Variants in PLA2G4D observed in about 807,000 individuals in gnomAD.
PLA2G4D encodes the protein phospholipase A2 group IVD.
Under a neutral mutation model 94.4 loss-of-function variants are expected in PLA2G4D, and 80 were observed. That is an observed-to-expected ratio of 0.85 (90% confidence interval 0.71 to 1.02). The LOEUF is 1.02. Among genes scored for constraint, PLA2G4D ranks in the 50% least tolerant of loss-of-function variants. The pLI is 0.00. For missense variants in PLA2G4D, 1,050 were observed against 1,034.7 expected (o/e 1.01, Z -0.20); for synonymous variants, 438 against 440.9 (o/e 0.99, Z 0.08).
chr15:42,083,166 G>C, intron 8 of PLA2G4D, 32 bp downstream of exon 8: 2 of 1,602,110 alleles, frequency 1.2e-6, no homozygotes, highest in Non-Finnish European at 1.7e-6. Context: ...CCAAGCCTAG[G>C]ATTGCAAACG....
intron 13 of PLA2G4D, among the ~76,000 whole-genome samples, chr15:42,077,176 T>G (rs1889946869): frequency 6.6e-6 from 1 of 152,172 alleles, no homozygotes; most frequent in Admixed American, 6.5e-5. Flanking sequence ...ATACCAATTC[T>G]ACTCAAACTA....
At chr15:42,090,640 G>A (rs1890230468) in intron 1 of PLA2G4D, among the ~76,000 whole-genome samples, 1 of 152,200 alleles carries the variant, frequency 6.6e-6, no homozygotes, top group Admixed American at 6.5e-5. Context: ...TGGTCCTGGG[G>A]ACTCAGTCCT....
At chr15:42,072,900 C>T (rs570413075) in intron 13 of PLA2G4D, among the ~76,000 whole-genome samples, 1 of 152,296 alleles carries the variant, frequency 6.6e-6, no homozygotes, top group African/African-American at 2.4e-5. Context: ...TCCCCCTCAT[C>T]GTCCCTCTTC....
chr15:42,094,489 A>G lies in PLA2G4D; in HGVS notation c.-30T>C. ...GCCCTTCCAGCTTCACTCCAGGCCCAGCCCTTGCCAAGATGCTGGCTCTCT... is the reference window on the plus strand; with the variant it reads ...GCCCTTCCAGCTTCACTCCAGGCCCGGCCCTTGCCAAGATGCTGGCTCTCT... On this transcript the variant is annotated 5_prime_UTR_variant, in exon 1 of 20. Transcript: ENST00000290472. 1 of 1,613,942 alleles carries G rather than the reference A, an allele frequency of 6.2e-7. No individual in the cohort carries two copies. The highest frequency in any genetic ancestry group is 8.5e-7 in the Non-Finnish European group (1 of 1,179,934).
chr15:42,093,548 C>T (rs543563017), intron 1 of PLA2G4D, among the ~76,000 whole-genome samples: 1 of 152,166 alleles, frequency 6.6e-6, no homozygotes, highest in African/African-American at 2.4e-5. Context: ...ATGTCTGACT[C>T]GTGGGTGGAT....
At chr15:42,081,175 C>G (rs773984224) in intron 11 of PLA2G4D, 42 bp from the exon 12 acceptor site, 43 of 1,596,914 alleles carry the variant, frequency 2.7e-5, no homozygotes, top group Non-Finnish European at 3.6e-5. Flanking sequence ...AGGAAAGGGG[C>G]CAGCTGCCTC....
chr15:42,083,636 T>C (rs1035062237), intron 7 of PLA2G4D, 80 bp downstream of exon 7: 1 of 1,534,404 alleles, frequency 6.5e-7, no homozygotes, highest in Non-Finnish European at 9.0e-7. Flanking sequence ...GCTGGCCTCC[T>C]GCCCTGCGCA....
In PLA2G4D at chr15:42,067,553, AAAAAAGAAAGAAAAAG is replaced by A. The variant is rs1183701819; in HGVS notation, c.*1146_*1161del. 6.6e-6 allele frequency: 1 copy of A among 151,680 alleles called. No individual in the cohort carries two copies. The highest frequency in any genetic ancestry group is 1.9e-4 in the East Asian group (1 of 5,196). 9.4% of individuals were successfully genotyped at this position (151,680 alleles called of 1,614,324 possible). A position where few individuals can be genotyped will look rare whatever the true frequency, so the allele number is the denominator to read the frequency against. ...GATGAGATTCTGTCTCAAAAAAAAAAAAAAAGAAAGAAAAAGAAAAAGAAATGTGCCAGCAATAAAC... is the reference window on the plus strand; with the variant it reads ...GATGAGATTCTGTCTCAAAAAAAAAAAAAAAGAAATGTGCCAGCAATAAAC... On this transcript the variant is annotated 3_prime_UTR_variant, in exon 20 of 20. Transcript: ENST00000290472.
At position 42,068,769 on chromosome 15, in the gene PLA2G4D, C is replaced by T. The variant is rs1157292261; in HGVS notation, c.2403G>A (p.Arg801=). 6.2e-7 allele frequency: 1 copy of T among 1,612,982 alleles called. No individual in the cohort carries two copies. Among genetic ancestry groups the T allele is most frequent in the Non-Finnish European group, 8.5e-7 (1 of 1,179,524 alleles). ...CTAGAGTCCGGTGCTTCAGCGCGGT[C>T]CTCAGGGCCTGCAGGATGGCACCCT... The part of the protein sequence containing the change: ...TSQGAILQAL[R]TALKHRTLEA... Residue 801 remains arginine, a synonymous_variant, in exon 20 of 20, where the codon AGG becomes AGA. Transcript: ENST00000290472.
intron 12 of PLA2G4D, among the ~76,000 whole-genome samples, 181 bp downstream of exon 12, chr15:42,080,816 C>G (rs537163194): frequency 6.6e-6 from 1 of 152,366 alleles, no homozygotes; most frequent in East Asian, 1.9e-4. Flanking sequence ...TGCGCCGCCT[C>G]GCTCACGGCA....
intron 1 of PLA2G4D, among the ~76,000 whole-genome samples, chr15:42,090,440 G>A (rs1284544298): frequency 6.6e-6 from 1 of 152,228 alleles, no homozygotes; most frequent in Non-Finnish European, 1.5e-5. Context: ...TGTCTGAGAT[G>A]AGAGTTGTTT....
In PLA2G4D at chr15:42,069,981, C is replaced by T. The variant is rs528090274; in HGVS notation, c.2158G>A (p.Ala720Thr). ...AGCAGGATCGGGGCCTCGGGGCAGG[C>T]GGGGTCTGAGAAGAGGTGGCATTCC... is the stretch of plus-strand genomic sequence containing the variant. The part of the protein sequence containing the change: ...PRECHLFSDP[A>T]CPEAPILLHF... The change falls in exon 19 of 20, where the codon GCC becomes ACC. Residue 720 changes from alanine to threonine, a missense_variant. Ala to Thr is a moderately conservative substitution (Grantham distance 58, BLOSUM62 0). Transcript: ENST00000290472. The T allele has an allele frequency of 1.6e-5, 24 of 1,481,534 alleles. No individual in the cohort carries two copies. The East Asian group carries it at 2.9e-4, about 18-fold the overall frequency. 91.8% of individuals were successfully genotyped at this position (1,481,534 alleles called of 1,614,324 possible). A position where few individuals can be genotyped will look rare whatever the true frequency, so the allele number is the denominator to read the frequency against.
chr15:42,071,928 G>GCTTCCCATT lies in PLA2G4D; in HGVS notation c.1436-18_1436-17insAATGGGAAG. 1 of 1,612,874 alleles carries GCTTCCCATT rather than the reference G, an allele frequency of 6.2e-7. No individual in the cohort carries two copies. Among genetic ancestry groups the GCTTCCCATT allele is most frequent in the Non-Finnish European group, 8.5e-7 (1 of 1,179,190 alleles). On this transcript the variant is annotated splice_polypyrimidine_tract_variant and intron_variant, in intron 14 of 19. Coordinates refer to ENST00000290472, the MANE Select transcript of PLA2G4D (RefSeq NM_178034.4). ...CAACCCACTCTAATGGGGTGGGAAGGAGAGGCAGGAGTGTGAGGGGAGTGG... is the reference window on the plus strand; with the variant it reads ...CAACCCACTCTAATGGGGTGGGAAGGCTTCCCATTAGAGGCAGGAGTGTGAGGGGAGTGG...
chr15:42,080,836 T>A (rs1890020940), intron 12 of PLA2G4D, among the ~76,000 whole-genome samples, 161 bp downstream of exon 12: 1 of 152,222 alleles, frequency 6.6e-6, no homozygotes, highest in Non-Finnish European at 1.5e-5. Context: ...AGGGCTTCTG[T>A]AAACGTCTGT....
intron 18 of PLA2G4D, 53 bp from the exon 19 acceptor site, chr15:42,070,148 G>C (rs1322978523): frequency 7.1e-7 from 1 of 1,413,568 alleles, no homozygotes; most frequent in Non-Finnish European, 9.3e-7. Flanking sequence ...GGTCAATGCT[G>C]GGCCAGTTCC....
At chr15:42,094,081 G>A (rs1890295240) in intron 1 of PLA2G4D, among the ~76,000 whole-genome samples, 1 of 152,120 alleles carries the variant, frequency 6.6e-6, no homozygotes, top group South Asian at 2.1e-4. Context: ...CTGCCGGCCT[G>A]TGGTGGTGGG....
intron 3 of PLA2G4D, 30 bp downstream of exon 3, chr15:42,087,270 A>G (rs376888583): frequency 6.2e-7 from 1 of 1,613,662 alleles, no homozygotes; most frequent in Non-Finnish European, 8.5e-7. Flanking sequence ...CCCGTTCACA[A>G]GGGAGTGGCC....
intron 17 of PLA2G4D, 111 bp downstream of exon 17, chr15:42,071,012 C>A: frequency 6.5e-7 from 1 of 1,529,460 alleles, no homozygotes. Context: ...GGGATCGTCT[C>A]CAGGCCACAC....
At chr15:42,073,653 T>C (rs536206192) in intron 13 of PLA2G4D, among the ~76,000 whole-genome samples, 25 of 152,288 alleles carry the variant, frequency 1.6e-4, no homozygotes, top group Middle Eastern at 3.4e-3. Context: ...ACTCAGTGAA[T>C]GTGTACACGT....
Sources: gnomAD v4.1 joint callset for allele counts (sites outside exome capture counted in the v4.1 genomes callset) on GRCh38, gnomAD v4.1.1 for gene constraint, MANE v1.5 for transcripts, NCBI Gene and HGNC (gene_info 2026-07-23, HGNC 2026-07-21) for gene names.